The following ANO4 variants were observed in gnomAD, a reference collection of about 807,000 sequenced individuals.
ANO4 encodes the protein anoctamin-4.
In ANO4, 69 loss-of-function variants were observed where a neutral mutation model predicts 141.9. The observed-to-expected ratio is 0.49, with a 90% CI of 0.40 to 0.59. ANO4 has a LOEUF of 0.59. Ranked by LOEUF, ANO4 falls within the 20% of genes least tolerant of loss-of-function variation. The pLI, the probability that ANO4 is intolerant of heterozygous loss-of-function variation, is 0.00. For synonymous variants in ANO4, 350 were observed against 394.3 expected (o/e 0.89, Z 1.33); for missense variants, 894 against 1,162.2 (o/e 0.77, Z 3.36).
At chr12:100,919,726 G>GTGTGTA (rs1246605290) in intron 2 of ANO4, among the ~76,000 whole-genome samples, 10 of 132,192 alleles carry the variant, frequency 7.6e-5, no homozygotes, top group South Asian at 2.4e-4. Flanking sequence ...GTATGTATGT[G>GTGTGTA]TGTATGTATG....
At chr12:100,895,823 A>C (rs1161234102) in intron 1 of ANO4, among the ~76,000 whole-genome samples, 1 of 151,962 alleles carries the variant, frequency 6.6e-6, no homozygotes, top group African/African-American at 2.4e-5. Flanking sequence ...TGGCCTCCCA[A>C]AGTGCTGGGA....
In ANO4 at chr12:101,096,105, G is replaced by C. The variant is rs187315852; in HGVS notation, c.1739-431G>C. Among the ~76,000 whole-genome samples, 17 of 152,254 alleles carry C rather than the reference G, an allele frequency of 1.1e-4. No homozygotes were observed. The East Asian group carries it at 3.3e-3, about 29-fold the overall frequency. On this transcript the variant is annotated intron_variant, in intron 18 of 27. Transcript: ENST00000392977. The stretch of plus-strand genomic sequence containing the variant: ...TTGACTCCCTCTTAAGCAGTAGGTT[G>C]GTATAATATGAGAACTAGAAGTTGA...
At chr12:100,910,769 T>A (rs12313772) in intron 2 of ANO4, among the ~76,000 whole-genome samples, 6,607 of 152,240 alleles carry the variant, frequency 0.043, 495 homozygotes, top group African/African-American at 0.15. Flanking sequence ...AGACCCATCA[T>A]ACAATCCTAG....
At chr12:100,844,057 T>C (rs1482701052) in intron 1 of ANO4, among the ~76,000 whole-genome samples, 3 of 152,188 alleles carry the variant, frequency 2.0e-5, no homozygotes, top group Admixed American at 6.5e-5. Context: ...TATCAGGTAC[T>C]GTTCTGGGCA....
intron 3 of ANO4, among the ~76,000 whole-genome samples, chr12:100,768,882 T>C (rs1195453862): frequency 1.3e-5 from 2 of 152,208 alleles, no homozygotes; most frequent in Non-Finnish European, 2.9e-5. Flanking sequence ...CACAATTCTG[T>C]TTTTATAAAA....
At chr12:100,985,265 T>A (rs2044658775) in intron 7 of ANO4, among the ~76,000 whole-genome samples, 1 of 152,206 alleles carries the variant, frequency 6.6e-6, no homozygotes. Flanking sequence ...GAAACACAAT[T>A]AACTTTGAAT....
At chr12:100,720,765 GA>G (rs2030828974) in intron 1 of ANO4, among the ~76,000 whole-genome samples, 2 of 152,184 alleles carry the variant, frequency 1.3e-5, no homozygotes, top group African/African-American at 4.8e-5. Context: ...AAAGTTTTCA[GA>G]GTTGTAAGTA....
intron 1 of ANO4, among the ~76,000 whole-genome samples, chr12:100,848,471 A>G (rs1466061674): frequency 6.6e-6 from 1 of 152,230 alleles, no homozygotes; most frequent in Non-Finnish European, 1.5e-5. Flanking sequence ...ATTCTTATTC[A>G]ATAAGTTTAG....
chr12:101,082,217 T>A (rs1421471132), intron 15 of ANO4, among the ~76,000 whole-genome samples: 2 of 152,114 alleles, frequency 1.3e-5, no homozygotes, highest in Non-Finnish European at 2.9e-5. Context: ...ATCTGATGGT[T>A]TTATAAAGGG....
At position 101,097,712 on chromosome 12, in the gene ANO4, T is replaced by C. The variant is rs1172868822; in HGVS notation, c.1908+4T>C. 1.2e-6 allele frequency: 2 copies of C among 1,613,580 alleles called. No homozygotes were observed. The highest frequency in any genetic ancestry group is 2.2e-5 in the East Asian group (1 of 44,882). On this transcript the variant is annotated splice_donor_region_variant and intron_variant, in intron 20 of 27. Transcript: ENST00000392977. ...AAACAGGTGGAGACTAGAAGAGGTC[T>C]GTATTCTCCCATCATTCCTTGTTTC...
At chr12:101,039,845 C>CTCATA in intron 10 of ANO4, 110 bp from the exon 11 acceptor site, 1 of 1,234,658 alleles carries the variant, frequency 8.1e-7, no homozygotes, top group Non-Finnish European at 1.1e-6. Flanking sequence ...TCATTTCTTT[C>CTCATA]TCATACCACT....
At chr12:100,932,826 G>GTC (rs1226764925) in intron 3 of ANO4, among the ~76,000 whole-genome samples, 8 of 151,890 alleles carry the variant, frequency 5.3e-5, no homozygotes, top group Non-Finnish European at 1.2e-4. Context: ...CTGATTTTTC[G>GTC]TCTCCCAGGC....
At chr12:101,052,739 C>CA (rs143448920) in intron 14 of ANO4, among the ~76,000 whole-genome samples, 9,534 of 152,124 alleles carry the variant, frequency 0.063, 515 homozygotes, top group African/African-American at 0.15. Flanking sequence ...ACATGTTCCA[C>CA]AAAAAAATGG....
intron 24 of ANO4, among the ~76,000 whole-genome samples, chr12:101,113,050 G>T (rs928662549): frequency 2.0e-5 from 3 of 152,130 alleles, no homozygotes; most frequent in African/African-American, 7.2e-5. Context: ...ACAGCCCTGG[G>T]AGTGGGATGT....
intron 5 of ANO4, among the ~76,000 whole-genome samples, chr12:100,950,070 A>G (rs1255155990): frequency 1.3e-5 from 2 of 152,094 alleles, no homozygotes; most frequent in Non-Finnish European, 2.9e-5. Flanking sequence ...GTTGCTGTAG[A>G]TGCTCTCTCA....
intron 26 of ANO4, among the ~76,000 whole-genome samples, chr12:101,121,157 G>T (rs1299098282): frequency 6.6e-6 from 1 of 152,050 alleles, no homozygotes; most frequent in East Asian, 1.9e-4. Context: ...TTTGGGGTGC[G>T]ACTGAACCCA....
chr12:100,977,411 T>C (rs923224180), intron 7 of ANO4, among the ~76,000 whole-genome samples: 1 of 152,126 alleles, frequency 6.6e-6, no homozygotes, highest in Non-Finnish European at 1.5e-5. Flanking sequence ...AGGGTCCAGG[T>C]GTGGTGGCAC....
intron 1 of ANO4, among the ~76,000 whole-genome samples, chr12:100,875,027 T>A (rs2039228913): frequency 6.6e-6 from 1 of 151,870 alleles, no homozygotes; most frequent in African/African-American, 2.4e-5. Context: ...GACCATGGAG[T>A]TTTGAATTAA....
At chr12:101,124,560 A>G (rs1352022243) in intron 26 of ANO4, among the ~76,000 whole-genome samples, 1 of 152,178 alleles carries the variant, frequency 6.6e-6, no homozygotes, top group Non-Finnish European at 1.5e-5. Context: ...TACATCCTGA[A>G]TGGCATTGCC....
Sources: allele counts gnomAD v4.1 joint callset (sites outside exome capture counted in the v4.1 genomes callset), GRCh38; gene constraint gnomAD v4.1.1; transcripts MANE v1.5; gene names NCBI Gene and HGNC (gene_info 2026-07-23, HGNC 2026-07-21).